The following TOM1L2 variants were observed in gnomAD, a reference collection of about 807,000 sequenced individuals.
TOM1L2 encodes the protein TOM1-like protein 2.
A neutral mutation model predicts 67.9 loss-of-function variants in TOM1L2; 31 were observed. The ratio of observed to expected loss-of-function variants is 0.46; its 90% CI spans 0.34 to 0.62. The LOEUF (loss-of-function observed/expected upper bound fraction) is 0.62, where lower values mean the gene tolerates loss of function less well. TOM1L2 is among the 20% of genes least tolerant of loss of function. The probability of loss-of-function intolerance (pLI) is 0.01; values close to 1 mark genes in which losing one functional copy is unlikely to be tolerated. For missense variants in TOM1L2, 606 were observed against 663.5 expected (o/e 0.91, Z 0.95); for synonymous variants, 256 against 254.0 (o/e 1.01, Z -0.07).
chr17:17,930,615 C>A (rs987787136), intron 1 of TOM1L2, among the ~76,000 whole-genome samples: 1 of 152,178 alleles, frequency 6.6e-6, no homozygotes, highest in South Asian at 2.1e-4. Context: ...CCTGTTCCAG[C>A]CCTTTATTAA....
chr17:17,920,335 A>ATTTTTT (rs771122365), intron 1 of TOM1L2, among the ~76,000 whole-genome samples: 48 of 93,204 alleles, frequency 5.1e-4, no homozygotes, highest in African/African-American at 7.6e-4. Flanking sequence ...AATGTTCAAT[A>ATTTTTT]TTTTTTTTTT....
intron 2 of TOM1L2, among the ~76,000 whole-genome samples, chr17:17,902,262 G>A (rs1455885228): frequency 6.6e-6 from 1 of 152,184 alleles, no homozygotes; most frequent in Non-Finnish European, 1.5e-5. Flanking sequence ...TGTCATCAAG[G>A]CCTTAGGCAT....
At chr17:17,957,872 T>G (rs1216219651) in intron 1 of TOM1L2, among the ~76,000 whole-genome samples, 6 of 151,696 alleles carry the variant, frequency 4.0e-5, no homozygotes, top group Non-Finnish European at 7.4e-5. Context: ...GGGCGGATCA[T>G]GAGGTCCGGA....
chr17:17,889,115 G>A (rs999277712), intron 4 of TOM1L2, among the ~76,000 whole-genome samples: 16 of 152,204 alleles, frequency 1.1e-4, no homozygotes, highest in Admixed American at 1.0e-3. Flanking sequence ...GCACATGTTG[G>A]TAAAAAGTAC....
chr17:17,954,460 C>T (rs996524339), intron 1 of TOM1L2, among the ~76,000 whole-genome samples: 1 of 152,068 alleles, frequency 6.6e-6, no homozygotes, highest in African/African-American at 2.4e-5. Context: ...TTACAGGAAC[C>T]CACCACCATG....
At chr17:17,947,963 A>G (rs1415044202) in intron 1 of TOM1L2, among the ~76,000 whole-genome samples, 1 of 152,114 alleles carries the variant, frequency 6.6e-6, no homozygotes, top group Non-Finnish European at 1.5e-5. Flanking sequence ...TTCAGAATCC[A>G]CTCATTTCAG....
chr17:17,869,440 G>A lies in TOM1L2; in HGVS notation c.811C>T (p.Arg271Cys). Reference protein sequence around the residue: ...LNRTCRAMQQRIVELISRVSN... With the variant: ...LNRTCRAMQQCIVELISRVSN... The stretch of plus-strand genomic sequence containing the variant: ...ACGCGGGAGATGAGCTCCACGATGC[G>A]CTGCTGCATGGCCCGACAGGTCCTG... Residue 271 changes from arginine (R) to cysteine (C), a missense_variant, in exon 8 of 15, where the codon CGC becomes TGC. Arg to Cys is a radical substitution (Grantham distance 180). Transcript: ENST00000379504. 1.9e-6 allele frequency: 3 copies of A among 1,612,480 alleles called. No individual in the cohort carries two copies. The highest frequency in any genetic ancestry group is 1.1e-5 in the South Asian group (1 of 90,980).
intron 3 of TOM1L2, among the ~76,000 whole-genome samples, chr17:17,894,975 A>ACATACATACATACATACATGCATG (rs1555598776): frequency 2.0e-5 from 3 of 147,692 alleles, no homozygotes; most frequent in African/African-American, 5.0e-5. Context: ...ATACATACAT[A>ACATACATACATACATACATGCATG]CATGCATGCA....
chr17:17,966,623 T>C (rs2041880745), intron 1 of TOM1L2, among the ~76,000 whole-genome samples: 1 of 152,138 alleles, frequency 6.6e-6, no homozygotes, highest in African/African-American at 2.4e-5. Flanking sequence ...GTGCAAAAAG[T>C]AACATAAATG....
chr17:17,873,479 C>A (rs969202045), intron 7 of TOM1L2, among the ~76,000 whole-genome samples: 1 of 152,184 alleles, frequency 6.6e-6, no homozygotes, highest in Non-Finnish European at 1.5e-5. Context: ...GCACTCCACA[C>A]AGCAGAAGCC....
At chr17:17,847,873 T>C in intron 14 of TOM1L2, 90 bp from the exon 15 acceptor site, 1 of 1,574,756 alleles carries the variant, frequency 6.4e-7, no homozygotes, top group Non-Finnish European at 8.7e-7. Flanking sequence ...CGTTTCCTCC[T>C]CTAGGGCAGG....
At chr17:17,961,882 A>G (rs1033011880) in intron 1 of TOM1L2, among the ~76,000 whole-genome samples, 1 of 152,018 alleles carries the variant, frequency 6.6e-6, no homozygotes, top group Non-Finnish European at 1.5e-5. Flanking sequence ...AAAAAAAAAA[A>G]AAAAATGAAA....
chr17:17,929,458 C>T (rs768907659), intron 1 of TOM1L2, among the ~76,000 whole-genome samples: 1 of 152,026 alleles, frequency 6.6e-6, no homozygotes, highest in Non-Finnish European at 1.5e-5. Flanking sequence ...GTGGAGAAAC[C>T]CCATCTCTAC....
intron 1 of TOM1L2, among the ~76,000 whole-genome samples, chr17:17,932,690 G>C (rs1200589726): frequency 2.6e-5 from 4 of 152,058 alleles, no homozygotes; most frequent in Non-Finnish European, 5.9e-5. Flanking sequence ...TTAAAATATT[G>C]GGGTAAGGTG....
At chr17:17,919,807 T>C (rs1016764113) in intron 1 of TOM1L2, among the ~76,000 whole-genome samples, 1 of 152,194 alleles carries the variant, frequency 6.6e-6, no homozygotes, top group Non-Finnish European at 1.5e-5. Flanking sequence ...CCTGTTTATT[T>C]GGTTTGAGCC....
intron 1 of TOM1L2, among the ~76,000 whole-genome samples, chr17:17,950,972 G>T (rs1032557492): frequency 2.0e-5 from 3 of 152,108 alleles, no homozygotes; most frequent in Non-Finnish European, 4.4e-5. Flanking sequence ...TACCAGGAAG[G>T]GGGTGCTGTT....
intron 6 of TOM1L2, among the ~76,000 whole-genome samples, chr17:17,881,968 T>C (rs937487595): frequency 6.6e-6 from 1 of 152,242 alleles, no homozygotes; most frequent in Non-Finnish European, 1.5e-5. Context: ...AGAGTTTTTT[T>C]TTCCCCCAAG....
intron 8 of TOM1L2, 135 bp downstream of exon 8, chr17:17,869,205 G>T: frequency 1.3e-6 from 2 of 1,486,266 alleles, no homozygotes; most frequent in Non-Finnish European, 9.0e-7. Flanking sequence ...GAACAAATTA[G>T]CATCTCTGAT....
In TOM1L2 at chr17:17,884,732, T is replaced by C. The variant is rs2037905815; in HGVS notation, c.403A>G (p.Thr135Ala). The C allele has an allele frequency of 6.2e-7, 1 of 1,613,586 alleles. No individual in the cohort carries two copies. Among genetic ancestry groups the C allele is most frequent in the African/African-American group, 1.3e-5 (1 of 74,872 alleles). The change falls in exon 5 of 15, where the codon ACC becomes GCC. Residue 135 changes from threonine to alanine, a missense_variant. Thr to Ala is a moderately conservative substitution (Grantham distance 58). Coordinates refer to ENST00000379504, the MANE Select transcript of TOM1L2 (RefSeq NM_001082968.2). ...ADAFRSSPDLTGVVHIYEELK... is the reference protein window; with the variant it reads ...ADAFRSSPDLAGVVHIYEELK... ...TCCTCATATATGTGCACAACGCCGGTGAGATCAGGACTGCTTCGAAAGGCA... is the reference window on the plus strand; with the variant it reads ...TCCTCATATATGTGCACAACGCCGGCGAGATCAGGACTGCTTCGAAAGGCA...
Sources: allele counts gnomAD v4.1 joint callset (sites outside exome capture counted in the v4.1 genomes callset), GRCh38; gene constraint gnomAD v4.1.1; transcripts MANE v1.5; gene names NCBI Gene and HGNC (gene_info 2026-07-23, HGNC 2026-07-21).